SERINC5: variants seen among roughly 807,000 people sequenced by gnomAD.
SERINC5 encodes the protein serine incorporator 5.
SERINC5 carries 41 observed loss-of-function variants against 63.1 expected under a neutral mutation model. The observed-to-expected ratio is 0.65, with a 90% CI of 0.51 to 0.84. The LOEUF is 0.84. Ranked by LOEUF, SERINC5 falls within the 40% of genes least tolerant of loss-of-function variation. The pLI, the probability that SERINC5 is intolerant of heterozygous loss-of-function variation, is 0.00. For synonymous variants in SERINC5, 222 were observed against 215.2 expected (o/e 1.03, Z -0.28); for missense variants, 523 against 573.0 (o/e 0.91, Z 0.89).
intron 1 of SERINC5, chr5:80,254,955 A>T (rs1000931086): frequency 1.3e-5 from 2 of 152,208 alleles, no homozygotes; most frequent in African/African-American, 4.8e-5. Flanking sequence ...GTCAGCAAGA[A>T]CACCCCGAAC....
At chr5:80,156,708 C>T (rs1029679583) in intron 8 of SERINC5, among the ~76,000 whole-genome samples, 12 of 152,126 alleles carry the variant, frequency 7.9e-5, no homozygotes, top group Non-Finnish European at 2.9e-5. Flanking sequence ...AAATTGACAT[C>T]TTTTGGGAAT....
chr5:80,166,466 G>A lies in SERINC5; in HGVS notation c.776C>T (p.Ser259Leu), dbSNP rs1373117689. Residue 259 changes from serine (S) to leucine (L), a missense_variant, in exon 7 of 12, where the codon TCG becomes TTG. Transcript: ENST00000507668. ...TATGACCCCTGATTGTAAGAGCCCC[G>A]AGTGTGGCTGTCCTGAAAAGTGACA... The part of the protein sequence containing the change: ...SPWVQNRQPH[S>L]GLLQSGVISC... 1.1e-5 allele frequency: 17 copies of A among 1,586,146 alleles called. No homozygotes were observed. Among genetic ancestry groups the A allele is most frequent in the Admixed American group, 1.8e-5 (1 of 56,060 alleles).
Position 80,143,672 on chromosome 5 carries a change from G to A in SERINC5, c.1377C>T (p.Phe459=). 6.5e-7 allele frequency: 1 copy of A among 1,536,014 alleles called. No individual in the cohort carries two copies. Among genetic ancestry groups the A allele is most frequent in the Non-Finnish European group, 8.7e-7 (1 of 1,146,848 alleles). The change falls in exon 12 of 12, where the codon TTC becomes TTT. Residue 459 remains phenylalanine (F), a synonymous_variant. Transcript: ENST00000507668. Reference sequence around the variant, plus strand: ...GGGACCGCCGATATCATCACACAGAGAACTCCCGGGTGGGGCAGCAGAGGG... The same window carrying A: ...GGGACCGCCGATATCATCACACAGAAAACTCCCGGGTGGGGCAGCAGAGGG... ...VAPLCCPTRE[F]SV is the part of the protein sequence containing the mutation.
chr5:80,234,184 AT>A (rs1751584783), intron 1 of SERINC5, among the ~76,000 whole-genome samples: 1 of 152,076 alleles, frequency 6.6e-6, no homozygotes, highest in Non-Finnish European at 1.5e-5. Context: ...TTCTCCAGCA[AT>A]TTTCTTGTCT....
rs758862000 is a variant in SERINC5, at chr5:80,155,572, C to CA, written c.986+3263dup. ...TGGGTGAAAGAGCAAAACTCCGTCT[C>CA]AAAAAAAAAAAGGAAGAAAGAAGGA... On this transcript the variant is annotated intron_variant, in intron 8 of 11. Transcript: ENST00000507668. Among the ~76,000 whole-genome samples the CA allele has an allele frequency of 6.7e-3, 783 of 117,538 alleles. 14 individuals carry two copies. Among genetic ancestry groups the CA allele is most frequent in the Non-Finnish European group, 4.6e-3 (269 of 59,080 alleles). The allele number at this position is 117,538 out of a possible 152,430, so 77.1% of individuals were successfully genotyped here.
In SERINC5 at chr5:80,169,324, A is replaced by G; in HGVS notation, c.763+11T>C. The G allele has an allele frequency of 6.2e-7, 1 of 1,610,464 alleles. No homozygotes were observed. Among genetic ancestry groups the G allele is most frequent in the Non-Finnish European group, 8.5e-7 (1 of 1,177,102 alleles). On this transcript the variant is annotated intron_variant, in intron 6 of 11. Coordinates refer to ENST00000507668, the MANE Select transcript of SERINC5 (RefSeq NM_001174072.3). ...ATATAAGTAACGAAGAATGGAAAAAAACATGCTTACGATTTTGGACCCAGG... is the reference window on the plus strand; with the variant it reads ...ATATAAGTAACGAAGAATGGAAAAAGACATGCTTACGATTTTGGACCCAGG...
intron 6 of SERINC5, among the ~76,000 whole-genome samples, chr5:80,168,204 T>G (rs1357559984): frequency 6.7e-6 from 1 of 150,226 alleles, no homozygotes; most frequent in Non-Finnish European, 1.5e-5. Flanking sequence ...CTAGTTGCCT[T>G]TTTTTTTTTC....
chr5:80,163,466 C>T (rs11951627), intron 7 of SERINC5, among the ~76,000 whole-genome samples: 38,670 of 151,840 alleles, frequency 0.25, 6,250 homozygotes, highest in African/African-American at 0.45. Context: ...ATACTGGCTG[C>T]GGGCTTATCA....
intron 1 of SERINC5, among the ~76,000 whole-genome samples, chr5:80,255,613 G>A (rs1178167007): frequency 1.3e-5 from 2 of 152,244 alleles, no homozygotes; most frequent in African/African-American, 2.4e-5. Context: ...GAGCAGTCGG[G>A]ATCCTCCGCC....
At position 80,158,847 on chromosome 5, in the gene SERINC5, G is replaced by A. The variant is rs1279463003; in HGVS notation, c.975C>T (p.Ile325=). 1 of 1,613,324 alleles carries A rather than the reference G, an allele frequency of 6.2e-7. No individual in the cohort carries two copies. Reference sequence around the variant, plus strand: ...CTCCCAAGACTTACCATGAATACAAGATACATCCGATTAAGAGGCTGGTCC... The same window carrying A: ...CTCCCAAGACTTACCATGAATACAAAATACATCCGATTAAGAGGCTGGTCC... ...ILGTSLLIGC[I]LYSCLTSTTR... is the part of the protein sequence containing the mutation. The change falls in exon 8 of 12, where the codon ATC becomes ATT. Residue 325 remains isoleucine (I), a synonymous_variant. Coordinates refer to ENST00000507668, the MANE Select transcript of SERINC5 (RefSeq NM_001174072.3).
Position 80,162,677 on chromosome 5 carries a change from C to G in SERINC5, c.859+3706G>C, listed in dbSNP as rs569654863. 1.6e-4 allele frequency among the ~76,000 whole-genome samples: 25 copies of G among 152,066 alleles called. No homozygotes were observed. The South Asian group carries it at 5.2e-3, about 32-fold the overall frequency. On this transcript the variant is annotated intron_variant, in intron 7 of 11. Transcript: ENST00000507668. Reference sequence around the variant, plus strand: ...GGATGTGAAACTACACATGGCCCCTCCTTTTAAGTTTTTCATCAATGTTTA... The same window carrying G: ...GGATGTGAAACTACACATGGCCCCTGCTTTTAAGTTTTTCATCAATGTTTA...
At chr5:80,202,809 A>T in intron 2 of SERINC5, 77 bp downstream of exon 2, 1 of 1,430,598 alleles carries the variant, frequency 7.0e-7, no homozygotes, top group Non-Finnish European at 9.6e-7. Flanking sequence ...CATGGACCCC[A>T]TCTTCTAAAT....
intron 5 of SERINC5, among the ~76,000 whole-genome samples, chr5:80,169,816 C>T (rs1159210261): frequency 2.0e-5 from 3 of 152,118 alleles, no homozygotes; most frequent in African/African-American, 7.2e-5. Flanking sequence ...CAAATGTATT[C>T]ATTCATTAAA....
intron 7 of SERINC5, among the ~76,000 whole-genome samples, chr5:80,164,428 G>T (rs1561384393): frequency 6.6e-6 from 1 of 152,032 alleles, no homozygotes; most frequent in Non-Finnish European, 1.5e-5. Context: ...TGGGTAGAGT[G>T]CAGTGGTGCA....
At chr5:80,205,876 A>G (rs1012583621) in intron 1 of SERINC5, among the ~76,000 whole-genome samples, 83 of 151,664 alleles carry the variant, frequency 5.5e-4, no homozygotes, top group South Asian at 2.1e-4. Flanking sequence ...GACCATGACC[A>G]TCCTGGCCAA....
intron 1 of SERINC5, among the ~76,000 whole-genome samples, chr5:80,212,856 T>C (rs1750499371): frequency 6.6e-6 from 1 of 152,190 alleles, no homozygotes; most frequent in Admixed American, 6.5e-5. Context: ...TCACAAATGG[T>C]TGTATTCTAG....
intron 8 of SERINC5, among the ~76,000 whole-genome samples, chr5:80,153,577 AC>A (rs1362566906): frequency 1.3e-5 from 2 of 152,148 alleles, no homozygotes; most frequent in Non-Finnish European, 2.9e-5. Flanking sequence ...TTGCTATAAA[AC>A]AATTCCTGGG....
In SERINC5 at chr5:80,141,885, C is replaced by T; in HGVS notation, c.*1778G>A. 1 of 985,454 alleles carries T rather than the reference C, an allele frequency of 1.0e-6. No homozygotes were observed. The highest frequency in any genetic ancestry group is 1.2e-6 in the Non-Finnish European group (1 of 829,934). 61.0% of individuals were successfully genotyped at this position (985,454 alleles called of 1,614,324 possible). On this transcript the variant is annotated 3_prime_UTR_variant, in exon 12 of 12. Transcript: ENST00000507668. ...GCCTTTTGAAACTGAATCTCAAACACTCTAAGTAGGGAAAGTTCTAAAGGA... is the reference window on the plus strand; with the variant it reads ...GCCTTTTGAAACTGAATCTCAAACATTCTAAGTAGGGAAAGTTCTAAAGGA...
At chr5:80,248,629 C>G (rs904357578) in intron 1 of SERINC5, among the ~76,000 whole-genome samples, 1 of 152,158 alleles carries the variant, frequency 6.6e-6, no homozygotes, top group African/African-American at 2.4e-5. Context: ...ACCACCTTGA[C>G]AGAACAATTA....
Sources: allele counts gnomAD v4.1 joint callset (sites outside exome capture counted in the v4.1 genomes callset), GRCh38; gene constraint gnomAD v4.1.1; transcripts MANE v1.5; gene names NCBI Gene and HGNC (gene_info 2026-07-23, HGNC 2026-07-21).